The following ZNF385D variants were observed in gnomAD, a reference collection of about 807,000 sequenced individuals.
ZNF385D encodes zinc finger protein 385D, also known as zinc finger protein 659.
A neutral mutation model predicts 35.8 loss-of-function variants in ZNF385D; 15 were observed. That is an observed-to-expected ratio of 0.42 (90% CI 0.28 to 0.64). The LOEUF is 0.64. Among genes scored for constraint, ZNF385D ranks in the 30% least tolerant of loss-of-function variants. The pLI, the probability that ZNF385D is intolerant of heterozygous loss-of-function variation, is 0.23. For synonymous variants in ZNF385D, 212 were observed against 186.8 expected, an observed-to-expected ratio of 1.13 and a Z score of -1.10; for missense variants, 474 against 494.6, an observed-to-expected ratio of 0.96 and a Z score of 0.39.
chr3:22,006,977 A>T (rs1696250771), intron 3 of ZNF385D, among the ~76,000 whole-genome samples: 3 of 152,126 alleles, frequency 2.0e-5, no homozygotes, highest in Admixed American at 2.0e-4. Flanking sequence ...TCAAGGCCTT[A>T]GACCTAGGGA....
chr3:21,796,377 A>G (rs901865303), intron 3 of ZNF385D, among the ~76,000 whole-genome samples: 4 of 152,240 alleles, frequency 2.6e-5, no homozygotes, highest in Non-Finnish European at 5.9e-5. Context: ...TATAAATGCA[A>G]AAATCCTCAA....
At chr3:21,834,029 C>T (rs1415158011) in intron 3 of ZNF385D, among the ~76,000 whole-genome samples, 5 of 151,884 alleles carry the variant, frequency 3.3e-5, no homozygotes, top group Admixed American at 2.6e-4. Context: ...TAAATTAATA[C>T]ACGTAAAATA....
Position 21,584,642 on chromosome 3 carries a change from A to T in ZNF385D, c.166-19958T>A, listed in dbSNP as rs866356839. ...TCTGTTTTATTTTTGTCTTCTACAT[A>T]TATAAACCATGTTTTTCTAGTTTCT... On this transcript the variant is annotated intron_variant, in intron 2 of 7. Coordinates refer to ENST00000281523, the MANE Select transcript of ZNF385D (RefSeq NM_024697.3). Among the ~76,000 whole-genome samples, 6 of 152,252 alleles carry T rather than the reference A, an allele frequency of 3.9e-5. No individual in the cohort carries two copies. In the South Asian group the frequency reaches 1.2e-3, roughly 32 times the overall value.
intron 3 of ZNF385D, among the ~76,000 whole-genome samples, chr3:21,933,582 C>G (rs900918206): frequency 2.0e-5 from 3 of 152,084 alleles, no homozygotes; most frequent in African/African-American, 4.8e-5. Context: ...TGGCATTTAG[C>G]ATTAACATGG....
intron 2 of ZNF385D, among the ~76,000 whole-genome samples, chr3:22,338,116 GT>G (rs1575148616): frequency 6.6e-6 from 1 of 152,142 alleles, no homozygotes; most frequent in Non-Finnish European, 1.5e-5. Context: ...TTTCTAATAA[GT>G]TGAGAAACAT....
At chr3:21,893,534 T>C (rs1212968890) in intron 3 of ZNF385D, among the ~76,000 whole-genome samples, 1 of 152,176 alleles carries the variant, frequency 6.6e-6, no homozygotes, top group African/African-American at 2.4e-5. Context: ...TTATGTGAAA[T>C]ATAAACCTCT....
chr3:21,819,820 AAT>A (rs1291084310), intron 3 of ZNF385D, among the ~76,000 whole-genome samples: 10 of 145,398 alleles, frequency 6.9e-5, no homozygotes, highest in Non-Finnish European at 1.2e-4. Flanking sequence ...AATATACATA[AAT>A]ATGATACAAA....
At chr3:21,563,529 A>G (rs2063030178) in intron 3 of ZNF385D, among the ~76,000 whole-genome samples, 1 of 152,182 alleles carries the variant, frequency 6.6e-6, no homozygotes. Context: ...GGAATAAACT[A>G]TTTTGTTTAT....
intron 4 of ZNF385D, among the ~76,000 whole-genome samples, chr3:21,502,919 G>A (rs1706497067): frequency 6.6e-6 from 1 of 152,140 alleles, no homozygotes; most frequent in African/African-American, 2.4e-5. Context: ...GTATGCAGTG[G>A]GTCTTTTATC....
chr3:21,592,347 T>A (rs2063999319), intron 2 of ZNF385D, among the ~76,000 whole-genome samples: 1 of 152,122 alleles, frequency 6.6e-6, no homozygotes, highest in Non-Finnish European at 1.5e-5. Flanking sequence ...ATGATTTATT[T>A]ATCTATTGTG....
intron 4 of ZNF385D, among the ~76,000 whole-genome samples, chr3:21,469,947 T>C (rs965530411): frequency 6.6e-6 from 1 of 151,764 alleles, no homozygotes; most frequent in Non-Finnish European, 1.5e-5. Flanking sequence ...AAAAAATTAA[T>C]GGGTAAAAGG....
In ZNF385D at chr3:21,665,031, G is replaced by A. The variant is rs760516982; in HGVS notation, c.23-3C>T. 6.2e-7 allele frequency: 1 copy of A among 1,602,654 alleles called. No homozygotes were observed. Among genetic ancestry groups the A allele is most frequent in the African/African-American group, 1.3e-5 (1 of 74,626 alleles). ...AGCAGGACTCTGGCATGTACCACCT[G>A]TGAAGACCAGAGCAAAGGGAGCAAT... On this transcript the variant is annotated splice_region_variant and splice_polypyrimidine_tract_variant and intron_variant, in intron 1 of 7. Coordinates refer to ENST00000281523, the MANE Select transcript of ZNF385D (RefSeq NM_024697.3).
chr3:21,470,656 A>G (rs1421320189), intron 4 of ZNF385D, among the ~76,000 whole-genome samples: 1 of 152,042 alleles, frequency 6.6e-6, no homozygotes, highest in Non-Finnish European at 1.5e-5. Flanking sequence ...GTCAGGGTAT[A>G]CTCTTTATTC....
intron 2 of ZNF385D, among the ~76,000 whole-genome samples, chr3:22,221,125 G>A (rs1471382064): frequency 1.3e-5 from 2 of 151,938 alleles, no homozygotes; most frequent in African/African-American, 2.4e-5. Flanking sequence ...GTGCGAGTGT[G>A]TGTGTGTTTG....
intron 2 of ZNF385D, among the ~76,000 whole-genome samples, chr3:22,266,925 T>C (rs114762305): frequency 6.6e-6 from 1 of 151,678 alleles, no homozygotes; most frequent in African/African-American, 2.4e-5. Context: ...AACAAAACAA[T>C]CTTTCCTTCC....
intron 1 of ZNF385D, among the ~76,000 whole-genome samples, chr3:21,699,477 TAAAGTA>T (rs2067594075): frequency 6.6e-6 from 1 of 152,044 alleles, no homozygotes; most frequent in East Asian, 1.9e-4. Flanking sequence ...TCCCAGAACT[TAAAGTA>T]TAATAATAAA....
At chr3:21,848,029 C>A (rs1282387052) in intron 3 of ZNF385D, among the ~76,000 whole-genome samples, 2 of 151,998 alleles carry the variant, frequency 1.3e-5, no homozygotes, top group Non-Finnish European at 2.9e-5. Flanking sequence ...CTACTCCCTG[C>A]TTCTATAAGT....
rs533599785 is a variant in ZNF385D at position 22,143,860 on chromosome 3, A to G, written c.325+24957T>C. On this transcript the variant is annotated intron_variant, in intron 3 of 5. Coordinates refer to the ZNF385D transcript ENST00000494108. The stretch of plus-strand genomic sequence containing the variant: ...ATGTACTATTGTAACTACACAATGT[A>G]TTATTTCTTTGTCATTAACATCATA... Among the ~76,000 whole-genome samples the G allele has an allele frequency of 2.6e-5, 4 of 152,266 alleles. No individual in the cohort carries two copies. The East Asian group carries it at 7.8e-4, about 30-fold the overall frequency.
rs34864158 is a variant in ZNF385D at position 22,259,835 on chromosome 3, GA to G, written c.107-90801del. 2.8e-4 allele frequency among the ~76,000 whole-genome samples: 41 copies of G among 144,698 alleles called. 2 individuals are homozygous for G. The highest frequency in any genetic ancestry group is 1.2e-3 in the Admixed American group (17 of 14,524). 94.9% of individuals were successfully genotyped at this position (144,698 alleles called of 152,430 possible). A position where few individuals can be genotyped will look rare whatever the true frequency, so the allele number is the denominator to read the frequency against. ...TCACTCCAAATGCCAACATAGTGAG[GA>G]AAAAAAAAAACTAATACAAATGTTG... On this transcript the variant is annotated intron_variant, in intron 2 of 5. Coordinates refer to the ZNF385D transcript ENST00000494108.
Sources: allele counts gnomAD v4.1 joint callset (sites outside exome capture counted in the v4.1 genomes callset), GRCh38; gene constraint gnomAD v4.1.1; transcripts MANE v1.5; gene names NCBI Gene and HGNC (gene_info 2026-07-23, HGNC 2026-07-21).